Variants in CMKLR1 observed in about 807,000 individuals in gnomAD.
The protein encoded by CMKLR1 is chemerin chemokine-like receptor 1.
CMKLR1 carries 6 observed loss-of-function variants against 8.2 expected under a neutral mutation model. The observed-to-expected ratio is 0.73, with a 90% CI of 0.40 to 1.44. CMKLR1 has a LOEUF of 1.44. Ranked by LOEUF, CMKLR1 falls within the 40% of genes most tolerant of loss-of-function variation. The pLI, the probability that CMKLR1 is intolerant of heterozygous loss-of-function variation, is 0.02. For missense variants in CMKLR1, 429 were observed against 478.0 expected, an observed-to-expected ratio of 0.90 and a Z score of 0.96; for synonymous variants, 178 against 181.2, an observed-to-expected ratio of 0.98 and a Z score of 0.14.
At position 108,338,525 on chromosome 12, in the gene CMKLR1, C is replaced by T. The variant is rs141807240; in HGVS notation, c.-287+502G>A. Reference sequence around the variant, plus strand: ...ACATCGTAGAGAGGTCAAGCTGCCACGGCCTTCCAGGGTGCAGTGTGACCA... The same window carrying T: ...ACATCGTAGAGAGGTCAAGCTGCCATGGCCTTCCAGGGTGCAGTGTGACCA... On this transcript the variant is annotated intron_variant, in intron 1 of 3. Transcript: ENST00000550402. Among the ~76,000 whole-genome samples, 6 of 152,280 alleles carry T rather than the reference C, an allele frequency of 3.9e-5. No individual in the cohort carries two copies. In the East Asian group the frequency reaches 9.6e-4, roughly 24 times the overall value.
chr12:108,291,934 G>A lies in CMKLR1; in HGVS notation c.1029C>T (p.Gly343=), dbSNP rs2137290324. The A allele has an allele frequency of 1.2e-6, 2 of 1,614,140 alleles. No homozygotes were observed. Among genetic ancestry groups the A allele is most frequent in the South Asian group, 2.2e-5 (2 of 91,076 alleles). Residue 343 remains glycine, a synonymous_variant, in exon 4 of 4, where the codon GGC becomes GGT. Transcript: ENST00000550402. ...TTCTATGGCTGGGGTAGGAAGAGTGGCCTGTATCTTCACTTAGAGCATTGA... is the reference window on the plus strand; with the variant it reads ...TTCTATGGCTGGGGTAGGAAGAGTGACCTGTATCTTCACTTAGAGCATTGA... ...RLVNALSEDT[G]HSSYPSHRSF... is the part of the protein sequence containing the mutation.
intron 2 of CMKLR1, among the ~76,000 whole-genome samples, chr12:108,326,301 T>C (rs1291607172): frequency 6.6e-6 from 1 of 152,186 alleles, no homozygotes; most frequent in Non-Finnish European, 1.5e-5. Context: ...TCCCCTTCCC[T>C]GTGTTTATGT....
intron 2 of CMKLR1, among the ~76,000 whole-genome samples, chr12:108,318,212 T>G (rs1267377306): frequency 1.3e-5 from 2 of 152,266 alleles, no homozygotes; most frequent in African/African-American, 4.8e-5. Context: ...ATTAACTACA[T>G]ATGTGTATCA....
intron 2 of CMKLR1, among the ~76,000 whole-genome samples, chr12:108,295,516 C>T (rs78497144): frequency 0.012 from 1,818 of 152,324 alleles, 20 homozygotes; most frequent in Non-Finnish European, 0.019. Context: ...AGGTATGAGA[C>T]AAAGAGACAG....
intron 2 of CMKLR1, among the ~76,000 whole-genome samples, chr12:108,324,463 C>T (rs969335756): frequency 6.6e-6 from 1 of 152,108 alleles, no homozygotes; most frequent in Non-Finnish European, 1.5e-5. Context: ...CCCCTCAGAC[C>T]TGAAAATCCA....
At chr12:108,303,506 G>A (rs374891129) in intron 2 of CMKLR1, among the ~76,000 whole-genome samples, 11 of 152,296 alleles carry the variant, frequency 7.2e-5, no homozygotes, top group South Asian at 4.1e-4. Context: ...GGTAACTAAC[G>A]TGCCCAAGGT....
chr12:108,299,062 C>T (rs771478781), intron 2 of CMKLR1, among the ~76,000 whole-genome samples: 7 of 152,236 alleles, frequency 4.6e-5, no homozygotes, highest in East Asian at 3.9e-4. Flanking sequence ...ATACCCACCC[C>T]GCATGCTGTG....
Position 108,293,615 on chromosome 12 carries a change from C to T in CMKLR1, c.-24G>A. On this transcript the variant is annotated 5_prime_UTR_variant, in exon 3 of 4. Transcript: ENST00000550402. The stretch of plus-strand genomic sequence containing the variant: ...ATTCACCGTTATGTTGTCTGCAGCT[C>T]TCCAATGTGAGTCCTCAGCCAATCA... The T allele has an allele frequency of 6.5e-7, 1 of 1,549,668 alleles. No individual in the cohort carries two copies. Among genetic ancestry groups the T allele is most frequent in the South Asian group, 1.2e-5 (1 of 83,960 alleles).
chr12:108,324,953 C>T lies in CMKLR1; in HGVS notation c.-74+5042G>A, dbSNP rs556749097. Among the ~76,000 whole-genome samples the T allele has an allele frequency of 1.2e-4, 18 of 152,266 alleles. No homozygotes were observed. In the South Asian group the frequency reaches 1.2e-3, roughly 11 times the overall value. ...CCCAGGGCCTTGAGAACACTCCCAC[C>T]GGGAATAAGTGCTTGGTTTTGCCCA... On this transcript the variant is annotated intron_variant, in intron 2 of 3. Coordinates refer to ENST00000550402, the MANE Select transcript of CMKLR1 (RefSeq NM_001142343.2).
In CMKLR1 at chr12:108,292,738, C is replaced by A. The variant is rs1263522337; in HGVS notation, c.225G>T (p.Met75Ile). 4 of 1,614,130 alleles carry A rather than the reference C, an allele frequency of 2.5e-6. No homozygotes were observed. Among genetic ancestry groups the A allele is most frequent in the Non-Finnish European group, 3.4e-6 (4 of 1,180,016 alleles). The change falls in exon 4 of 4, where the codon ATG becomes ATT. Residue 75 changes from methionine to isoleucine, a missense_variant. Transcript: ENST00000550402. ...ATFKMKKTVN[M>I]VWFLNLAVAD... Reference sequence around the variant, plus strand: ...CCACTGCCAGGTTGAGGAACCAGACCATGTTCACTGTCTTCTTCATCTTGA... The same window carrying A: ...CCACTGCCAGGTTGAGGAACCAGACAATGTTCACTGTCTTCTTCATCTTGA...
In CMKLR1 at chr12:108,316,121, T is replaced by C. The variant is rs180792361; in HGVS notation, c.-74+13874A>G. On this transcript the variant is annotated intron_variant, in intron 2 of 3. Coordinates refer to ENST00000550402, the MANE Select transcript of CMKLR1 (RefSeq NM_001142343.2). ...TGCAAAATGAAAATGCAGCCCCTTA[T>C]TCAAAAATTACTGAGAATTCAGGAC... is the stretch of plus-strand genomic sequence containing the variant. Among the ~76,000 whole-genome samples the C allele has an allele frequency of 3.9e-5, 6 of 152,288 alleles. No homozygotes were observed. In the East Asian group the frequency reaches 7.7e-4, roughly 20 times the overall value.
At chr12:108,314,230 G>T (rs145995446) in intron 2 of CMKLR1, among the ~76,000 whole-genome samples, 2 of 152,278 alleles carry the variant, frequency 1.3e-5, no homozygotes, top group East Asian at 3.9e-4. Context: ...TCACGGCTAA[G>T]GGTGAAATGC....
intron 2 of CMKLR1, among the ~76,000 whole-genome samples, chr12:108,314,934 G>GTTTT (rs3045858): frequency 0.025 from 2,771 of 109,494 alleles, 186 homozygotes; most frequent in African/African-American, 0.094. Context: ...ACACAGCCTT[G>GTTTT]TTTTTTTTTT....
chr12:108,311,029 T>G (rs1288265795), intron 2 of CMKLR1, among the ~76,000 whole-genome samples: 6 of 140,930 alleles, frequency 4.3e-5, no homozygotes, highest in African/African-American at 1.3e-4. Context: ...GGTGCTGGGG[T>G]TCTGGAAAGG....
At chr12:108,305,224 T>C (rs1307944548) in intron 2 of CMKLR1, among the ~76,000 whole-genome samples, 1 of 152,200 alleles carries the variant, frequency 6.6e-6, no homozygotes, top group African/African-American at 2.4e-5. Flanking sequence ...GGGACTTCCA[T>C]AACTTCTGCC....
At chr12:108,333,099 C>A (rs766232266) in intron 1 of CMKLR1, among the ~76,000 whole-genome samples, 1 of 152,208 alleles carries the variant, frequency 6.6e-6, no homozygotes, top group Non-Finnish European at 1.5e-5. Context: ...GTTTCTCTGA[C>A]CCCTGATTTC....
At position 108,292,225 on chromosome 12, in the gene CMKLR1, T is replaced by C; in HGVS notation, c.738A>G (p.Lys246=). The change falls in exon 4 of 4, where the codon AAA becomes AAG. Residue 246 remains lysine, a synonymous_variant. Coordinates refer to ENST00000550402, the MANE Select transcript of CMKLR1 (RefSeq NM_001142343.2). The part of the protein sequence containing the change: ...ITACYLTIVC[K]LQRNRLAKTK... The stretch of plus-strand genomic sequence containing the variant: ...TCTTGGCCAGGCGGTTGCGCTGCAG[T>C]TTGCACACGATGGTGAGGTAGCAAG... 6.2e-7 allele frequency: 1 copy of C among 1,613,958 alleles called. No homozygotes were observed.
intron 1 of CMKLR1, among the ~76,000 whole-genome samples, chr12:108,334,355 G>A (rs1892173472): frequency 6.6e-6 from 1 of 152,214 alleles, no homozygotes. Context: ...TATTCACACA[G>A]GAAAGTGCTC....
intron 2 of CMKLR1, among the ~76,000 whole-genome samples, chr12:108,307,113 G>A (rs951345428): frequency 1.3e-5 from 2 of 152,192 alleles, no homozygotes; most frequent in African/African-American, 4.8e-5. Flanking sequence ...ACCATATTTA[G>A]TTAATCCCCT....
Sources: gnomAD v4.1 joint callset for allele counts (sites outside exome capture counted in the v4.1 genomes callset) on GRCh38, gnomAD v4.1.1 for gene constraint, MANE v1.5 for transcripts, NCBI Gene and HGNC (gene_info 2026-07-23, HGNC 2026-07-21) for gene names.